The following OTULIN variants were observed in gnomAD, a reference collection of about 807,000 sequenced individuals.
The protein encoded by OTULIN is OTU deubiquitinase with linear linkage specificity.
OTULIN carries 15 observed loss-of-function variants against 39.6 expected under a neutral mutation model. The ratio of observed to expected loss-of-function variants is 0.38; its 90% CI spans 0.25 to 0.58. The LOEUF is 0.58. OTULIN is among the 20% of genes least tolerant of loss of function. The probability of loss-of-function intolerance (pLI) is 0.66; values close to 1 mark genes in which losing one functional copy is unlikely to be tolerated. For synonymous variants in OTULIN, 156 were observed against 170.3 expected, an observed-to-expected ratio of 0.92 and a Z score of 0.65; for missense variants, 319 against 445.9, an observed-to-expected ratio of 0.72 and a Z score of 2.56.
intron 2 of OTULIN, among the ~76,000 whole-genome samples, chr5:14,676,150 G>A (rs994775294): frequency 2.0e-5 from 3 of 152,206 alleles, no homozygotes; most frequent in Non-Finnish European, 4.4e-5. Flanking sequence ...CTGAGGGTCT[G>A]ATTCTTGTCT....
chr5:14,670,471 C>G (rs73749585), intron 1 of OTULIN, among the ~76,000 whole-genome samples: 1,839 of 152,214 alleles, frequency 0.012, 42 homozygotes, highest in African/African-American at 0.042. Context: ...TCCTCTCTTT[C>G]TGTTTGCTTA....
Position 14,695,430 on chromosome 5 carries a change from A to G in OTULIN, c.*2382A>G, listed in dbSNP as rs1020892186. On this transcript the variant is annotated 3_prime_UTR_variant, in exon 7 of 7. Transcript: ENST00000284274. ...CACTTAGAGCAGTCTTCAAAATGAT[A>G]AGGTGTTCTAGAAGAAAGGAATGTA... 1 of 152,194 alleles carries G rather than the reference A, an allele frequency of 6.6e-6. No homozygotes were observed. The highest frequency in any genetic ancestry group is 1.5e-5 in the Non-Finnish European group (1 of 68,022). The allele number at this position is 152,194 out of a possible 1,614,324, so 9.4% of individuals were successfully genotyped here. A position where few individuals can be genotyped will look rare whatever the true frequency, so the allele number is the denominator to read the frequency against.
the OTULIN span, chr5:14,713,802 C>T: frequency 1.6e-6 from 2 of 1,263,868 alleles, no homozygotes; most frequent in East Asian, 2.4e-5. This position sits in a 1 kb window ranked among gnomAD's most constrained non-coding sequence, Gnocchi z 4.4. Context: ...CCGCTGGCCA[C>T]CTCATCTTCC....
At chr5:14,673,279 C>T (rs184588023) in intron 1 of OTULIN, among the ~76,000 whole-genome samples, 1 of 152,326 alleles carries the variant, frequency 6.6e-6, no homozygotes, top group Admixed American at 6.5e-5. Flanking sequence ...TATCTCCATT[C>T]TTGGAACTTG....
chr5:14,712,852 G>T, the OTULIN span: 4 of 1,578,782 alleles, frequency 2.5e-6, no homozygotes, highest in Non-Finnish European at 2.6e-6. Context: ...CCGGGAGGAG[G>T]CTCCCGGCGC....
In OTULIN at chr5:14,699,436, G is replaced by A. The variant is rs1481163375; in HGVS notation, c.*6388G>A. 1.3e-5 allele frequency: 2 copies of A among 152,224 alleles called. No homozygotes were observed. The highest frequency in any genetic ancestry group is 6.5e-5 in the Admixed American group (1 of 15,280). 9.4% of individuals were successfully genotyped at this position (152,224 alleles called of 1,614,324 possible). A position where few individuals can be genotyped will look rare whatever the true frequency, so the allele number is the denominator to read the frequency against. ...TAGACGGCAGTGCTAAGTCGGTCATGTGCAGCAGAAAGACCTCCCCACTGT... is the reference window on the plus strand; with the variant it reads ...TAGACGGCAGTGCTAAGTCGGTCATATGCAGCAGAAAGACCTCCCCACTGT... On this transcript the variant is annotated 3_prime_UTR_variant, in exon 7 of 7. Coordinates refer to ENST00000284274, the MANE Select transcript of OTULIN (RefSeq NM_138348.6).
intron 1 of OTULIN, among the ~76,000 whole-genome samples, chr5:14,667,250 G>A (rs557162773): frequency 4.1e-4 from 62 of 152,356 alleles, no homozygotes; most frequent in Admixed American, 1.0e-3. Flanking sequence ...GACGAGTAGA[G>A]AAAGAGATGG....
At chr5:14,713,827 A>G in the OTULIN span, among the ~76,000 whole-genome samples, 1 of 152,152 alleles carries the variant, frequency 6.6e-6, no homozygotes, top group Non-Finnish European at 1.5e-5. This position sits in a 1 kb window ranked among gnomAD's most constrained non-coding sequence, Gnocchi z 4.4. Context: ...AGGGTTCCCC[A>G]TCCCTGCTCC....
At chr5:14,677,150 AC>A (rs1560994731) in intron 2 of OTULIN, among the ~76,000 whole-genome samples, 1 of 152,164 alleles carries the variant, frequency 6.6e-6, no homozygotes, top group Non-Finnish European at 1.5e-5. Context: ...TTTTAAATTT[AC>A]CTAAACTGCA....
the OTULIN span, chr5:14,712,906 C>T: frequency 2.2e-5 from 35 of 1,612,570 alleles, no homozygotes; most frequent in Middle Eastern, 1.6e-4. Flanking sequence ...GCAGCGATGG[C>T]GACCATGGTG....
rs921117400 is a variant in OTULIN, at chr5:14,692,997, C to T, written c.1008C>T (p.Asp336=). ...CAGTGGTAACGCTCATTGCTGAGGA[C>T]GATCGGCACTATAACATCCCCGTCA... ...DWPVVTLIAE[D]DRHYNIPVRV... The change falls in exon 7 of 7, where the codon GAC becomes GAT. Residue 336 remains aspartate (D), a synonymous_variant. Transcript: ENST00000284274. The T allele has an allele frequency of 1.4e-5, 23 of 1,614,030 alleles. No homozygotes were observed. The highest frequency in any genetic ancestry group is 4.0e-5 in the African/African-American group (3 of 74,922).
the OTULIN span, chr5:14,710,164 C>T: frequency 2.0e-5 from 3 of 152,134 alleles, no homozygotes; most frequent in Admixed American, 6.5e-5. Flanking sequence ...TTACCTGTAC[C>T]GCAGAGTTAT....
At chr5:14,673,837 T>C (rs1315886774) in intron 2 of OTULIN, 119 bp downstream of exon 2, 6 of 755,474 alleles carry the variant, frequency 7.9e-6, no homozygotes, top group African/African-American at 1.8e-5. Flanking sequence ...TATGGTCTTA[T>C]CTACATTGAT....
At chr5:14,679,189 C>A (rs1736182901) in intron 3 of OTULIN, among the ~76,000 whole-genome samples, 1 of 152,134 alleles carries the variant, frequency 6.6e-6, no homozygotes, top group Admixed American at 6.5e-5. Context: ...GGTCCTGGGG[C>A]CTAGAACCTT....
chr5:14,679,549 A>G (rs2126307437), intron 3 of OTULIN, among the ~76,000 whole-genome samples: 1 of 152,314 alleles, frequency 6.6e-6, no homozygotes, highest in Non-Finnish European at 1.5e-5. Context: ...TACATTATGA[A>G]TTTGAATGCA....
chr5:14,693,876 T>A lies in OTULIN; in HGVS notation c.*828T>A, dbSNP rs571272616. On this transcript the variant is annotated 3_prime_UTR_variant, in exon 7 of 7. Coordinates refer to ENST00000284274, the MANE Select transcript of OTULIN (RefSeq NM_138348.6). ...GGGGCTTGGTGCAGGTGGTGCCCCA[T>A]CAGTGTGGACAGACACTACTTGCCT... 6.6e-5 allele frequency: 10 copies of A among 152,324 alleles called. No individual in the cohort carries two copies. Among genetic ancestry groups the A allele is most frequent in the African/African-American group, 2.4e-4 (10 of 41,566 alleles). 9.4% of individuals were successfully genotyped at this position (152,324 alleles called of 1,614,324 possible). A position where few individuals can be genotyped will look rare whatever the true frequency, so the allele number is the denominator to read the frequency against.
chr5:14,673,213 C>T (rs910628075), intron 1 of OTULIN, among the ~76,000 whole-genome samples: 1 of 152,140 alleles, frequency 6.6e-6, no homozygotes, highest in African/African-American at 2.4e-5. Flanking sequence ...GCTTGTGACA[C>T]GTTACAAAGG....
the OTULIN span, chr5:14,704,947 A>T: frequency 6.6e-6 from 1 of 152,268 alleles, no homozygotes; most frequent in Non-Finnish European, 1.5e-5. Flanking sequence ...TCTGTTAGAT[A>T]CATAAAGAGC....
Position 14,693,709 on chromosome 5 carries a change from T to C in OTULIN, c.*661T>C, listed in dbSNP as rs1410546528. ...TTTAAGCAGATTGTTTTGCAACAGA[T>C]TAAGAATTGGGTCCCAAAGTGGGTT... On this transcript the variant is annotated 3_prime_UTR_variant, in exon 7 of 7. Coordinates refer to ENST00000284274, the MANE Select transcript of OTULIN (RefSeq NM_138348.6). The C allele has an allele frequency of 6.6e-6, 1 of 152,164 alleles. No individual in the cohort carries two copies. The highest frequency in any genetic ancestry group is 1.5e-5 in the Non-Finnish European group (1 of 68,028). The allele number at this position is 152,164 out of a possible 1,614,324, so 9.4% of individuals were successfully genotyped here.
Sources: allele counts gnomAD v4.1 joint callset (sites outside exome capture counted in the v4.1 genomes callset), GRCh38; gene constraint gnomAD v4.1.1; non-coding constraint Gnocchi (gnomAD v3.1); transcripts MANE v1.5; gene names NCBI Gene and HGNC (gene_info 2026-07-23, HGNC 2026-07-21).